CELSR3: variants seen among roughly 807,000 people sequenced by gnomAD.
CELSR3 encodes EGF-like protein 1.
In CELSR3, 73 loss-of-function variants were observed where a neutral mutation model predicts 270.0. The ratio of observed to expected loss-of-function variants is 0.27; its 90% CI spans 0.22 to 0.33. CELSR3 has a LOEUF of 0.33. Among genes scored for constraint, CELSR3 ranks in the 10% least tolerant of loss-of-function variants. CELSR3 has a pLI of 1.00. For missense variants in CELSR3, 3,614 were observed against 4,533.8 expected (o/e 0.80, Z 5.83); for synonymous variants, 1,780 against 1,905.4 (o/e 0.93, Z 1.71).
In CELSR3 at chr3:48,652,553, C is replaced by T; in HGVS notation, c.5635G>A (p.Asp1879Asn). Residue 1879 changes from aspartate to asparagine, a missense_variant and splice_region_variant, in exon 11 of 35, where the codon GAC becomes AAC. Transcript: ENST00000164024. The surrounding 1 kb of genome is among the most constrained non-coding windows in gnomAD (Gnocchi z 4.3). The stretch of plus-strand genomic sequence containing the variant: ...AGCTCACTCCCCACCGCCATGGTGT[C>T]CTGGAGGAAGTGGGGCAGTCAGCAC... ...MVSLDFSLFQ[D>N]TMAVGSELQG... The T allele has an allele frequency of 6.2e-7, 1 of 1,605,576 alleles. No individual in the cohort carries two copies. Among genetic ancestry groups the T allele is most frequent in the Non-Finnish European group, 8.5e-7 (1 of 1,175,632 alleles).
At position 48,641,514 on chromosome 3, in the gene CELSR3, G is replaced by A; in HGVS notation, c.8835C>T (p.Gly2945=). The change falls in exon 33 of 35, where the codon GGC becomes GGT. Residue 2945 remains glycine, a synonymous_variant. Transcript: ENST00000164024. This position sits in a 1 kb window ranked among gnomAD's most constrained non-coding sequence, Gnocchi z 4.8. ...RLLTHPKDVD[G]NDLLSYWPAL... The stretch of plus-strand genomic sequence containing the variant: ...CTGGCCAGTAGGACAGGAGGTCATT[G>A]CCATCCACATCTGTGGAGCCAGGTC... 6 of 1,611,280 alleles carry A rather than the reference G, an allele frequency of 3.7e-6. No individual in the cohort carries two copies. The highest frequency in any genetic ancestry group is 5.1e-6 in the Non-Finnish European group (6 of 1,178,938).
rs1309247789 is a variant in CELSR3, at chr3:48,638,111, G to C, written c.*94C>G. ...GGCACCCACCACTGGGGAGCAGGAG[G>C]CTGCCTTGGGATCTGCCCCCACTCC... On this transcript the variant is annotated 3_prime_UTR_variant, in exon 35 of 35. Coordinates refer to ENST00000164024, the MANE Select transcript of CELSR3 (RefSeq NM_001407.3). 1.8e-6 allele frequency: 2 copies of C among 1,116,874 alleles called. No homozygotes were observed. Among genetic ancestry groups the C allele is most frequent in the Admixed American group, 3.5e-5 (2 of 57,858 alleles). The allele number at this position is 1,116,874 out of a possible 1,614,324, so 69.2% of individuals were successfully genotyped here.
In CELSR3 at chr3:48,660,426, A is replaced by G. The variant is rs146299792; in HGVS notation, c.2209T>C (p.Ser737Pro). ...EARDHGSPPL[S>P]ASASVTVTVL... ...GTCACGGTGACACTGGCTGAGGCAG[A>G]GAGTGGGGGTGAGCCATGGTCTCGA... Residue 737 changes from serine (S) to proline (P), a missense_variant, in exon 1 of 35, where the codon TCT (serine) becomes CCT (proline). Ser to Pro is a moderately conservative substitution (Grantham distance 74). Transcript: ENST00000164024. The surrounding 1 kb of genome is among the most constrained non-coding windows in gnomAD (Gnocchi z 5.5). 1.9e-6 allele frequency: 3 copies of G among 1,614,148 alleles called. No individual in the cohort carries two copies. The highest frequency in any genetic ancestry group is 2.5e-6 in the Non-Finnish European group (3 of 1,180,040).
In CELSR3 at chr3:48,639,666, A is replaced by G. The variant is rs762482941; in HGVS notation, c.9911+8T>C. 4.3e-6 allele frequency: 7 copies of G among 1,613,048 alleles called. No individual in the cohort carries two copies. Among genetic ancestry groups the G allele is most frequent in the East Asian group, 4.5e-5 (2 of 44,884 alleles). On this transcript the variant is annotated splice_region_variant and intron_variant, in intron 34 of 34. Coordinates refer to ENST00000164024, the MANE Select transcript of CELSR3 (RefSeq NM_001407.3). This position sits in a 1 kb window ranked among gnomAD's most constrained non-coding sequence, Gnocchi z 4.1. The stretch of plus-strand genomic sequence containing the variant: ...GAGGGTGCAAGCAGGTGGCTGGACC[A>G]TACTTACTCTGAGTCTGGCGACAGC...
Position 48,653,622 on chromosome 3 carries a change from G to A in CELSR3, c.5445C>T (p.Cys1815=), listed in dbSNP as rs1490618856. 3 of 1,613,754 alleles carry A rather than the reference G, an allele frequency of 1.9e-6. No homozygotes were observed. Among genetic ancestry groups the A allele is most frequent in the Non-Finnish European group, 2.5e-6 (3 of 1,179,804 alleles). The change falls in exon 9 of 35, where the codon TGC becomes TGT. Residue 1815 remains cysteine (C), a synonymous_variant. Transcript: ENST00000164024. The surrounding 1 kb of genome is among the most constrained non-coding windows in gnomAD (Gnocchi z 6.5). ...VQAGPHSTLL[C]QLDRGLLSVT... is the part of the protein sequence containing the mutation. ...GGGGTGAGCAGGGTGGACACACCTG[G>A]CAAAGGAGCGTGCTGTGTGGCCCAG...
Position 48,642,670 on chromosome 3 carries a change from C to T in CELSR3, c.8555+66G>A. On this transcript the variant is annotated intron_variant, in intron 30 of 34. Transcript: ENST00000164024. This position sits in a 1 kb window ranked among gnomAD's most constrained non-coding sequence, Gnocchi z 6.1. Reference sequence around the variant, plus strand: ...CCACCCGCCCTAGGACCTGGTCAGCCAAGCCCTGGTAAGGTGGGGCTGGAC... The same window carrying T: ...CCACCCGCCCTAGGACCTGGTCAGCTAAGCCCTGGTAAGGTGGGGCTGGAC... 6.4e-7 allele frequency: 1 copy of T among 1,560,284 alleles called. No homozygotes were observed. The highest frequency in any genetic ancestry group is 1.8e-5 in the Admixed American group (1 of 56,944).
chr3:48,659,502 G>A lies in CELSR3; in HGVS notation c.3133C>T (p.Pro1045Ser), dbSNP rs1333849743. The A allele has an allele frequency of 3.1e-6, 5 of 1,614,200 alleles. No individual in the cohort carries two copies. The highest frequency in any genetic ancestry group is 2.2e-5 in the South Asian group (2 of 91,084). The part of the protein sequence containing the change: ...LTAYAVDRGV[P>S]PLRTPVSIQV... Reference sequence around the variant, plus strand: ...ATACTGACTGGAGTCCGGAGTGGGGGCACACCTCTGTCCACTGCGTAGGCA... The same window carrying A: ...ATACTGACTGGAGTCCGGAGTGGGGACACACCTCTGTCCACTGCGTAGGCA... Residue 1045 changes from proline (P) to serine (S), a missense_variant, in exon 1 of 35, where the codon CCC becomes TCC. Pro to Ser is a moderately conservative substitution (Grantham distance 74). Around this residue, in one of 7 missense-constraint regions of CELSR3, gnomAD observed 1,331 missense variants for 1,933.7 expected, o/e 0.69. Transcript: ENST00000164024. This position sits in a 1 kb window ranked among gnomAD's most constrained non-coding sequence, Gnocchi z 8.1.
chr3:48,637,933 A>C lies in CELSR3; in HGVS notation c.*272T>G. 4 of 388,886 alleles carry C rather than the reference A, an allele frequency of 1.0e-5. No individual in the cohort carries two copies. Among genetic ancestry groups the C allele is most frequent in the East Asian group, 4.0e-5 (1 of 24,828 alleles). 24.1% of individuals were successfully genotyped at this position (388,886 alleles called of 1,614,324 possible). On this transcript the variant is annotated 3_prime_UTR_variant, in exon 35 of 35. Transcript: ENST00000164024. Reference sequence around the variant, plus strand: ...AGCCCAGCCTCAAACCCCCCAGGAGACAGAAAAGCTGAAAAATAACATAAG... The same window carrying C: ...AGCCCAGCCTCAAACCCCCCAGGAGCCAGAAAAGCTGAAAAATAACATAAG...
rs761278646 is a variant in CELSR3 at position 48,638,143 on chromosome 3, C to A, written c.*62G>T. On this transcript the variant is annotated 3_prime_UTR_variant, in exon 35 of 35. Transcript: ENST00000164024. ...TGGGATCTGCCCCCACTCCTGGAGT[C>A]TCTCCTGTTAGCCTAGATCCTCTGT... 5 of 1,489,884 alleles carry A rather than the reference C, an allele frequency of 3.4e-6. No homozygotes were observed. Among genetic ancestry groups the A allele is most frequent in the African/African-American group, 1.4e-5 (1 of 72,504 alleles). The allele number at this position is 1,489,884 out of a possible 1,614,324, so 92.3% of individuals were successfully genotyped here. A position where few individuals can be genotyped will look rare whatever the true frequency, so the allele number is the denominator to read the frequency against.
Position 48,644,616 on chromosome 3 carries a change from C to G in CELSR3, c.8085+100G>C. On this transcript the variant is annotated intron_variant, in intron 26 of 34. Transcript: ENST00000164024. This position sits in a 1 kb window ranked among gnomAD's most constrained non-coding sequence, Gnocchi z 4.8. Reference sequence around the variant, plus strand: ...AAAATGAAGGCCGAGCCCAGGAAGCCTGCAGAATGCCACCTGACCGCCCTC... The same window carrying G: ...AAAATGAAGGCCGAGCCCAGGAAGCGTGCAGAATGCCACCTGACCGCCCTC... 1.1e-6 allele frequency: 1 copy of G among 925,940 alleles called. No homozygotes were observed. The allele number at this position is 925,940 out of a possible 1,614,324, so 57.4% of individuals were successfully genotyped here.
Position 48,652,363 on chromosome 3 carries a change from C to T in CELSR3, c.5751+74G>A. 8.2e-7 allele frequency: 1 copy of T among 1,213,192 alleles called. No individual in the cohort carries two copies. The highest frequency in any genetic ancestry group is 1.2e-6 in the Non-Finnish European group (1 of 816,244). 75.2% of individuals were successfully genotyped at this position (1,213,192 alleles called of 1,614,324 possible). The stretch of plus-strand genomic sequence containing the variant: ...CAACCCCCACTTGAATACTGCCTTT[C>T]AGGTCCCAAGGAGCCCCTGACTTCT... On this transcript the variant is annotated intron_variant, in intron 11 of 34. Coordinates refer to ENST00000164024, the MANE Select transcript of CELSR3 (RefSeq NM_001407.3). The surrounding 1 kb of genome is among the most constrained non-coding windows in gnomAD (Gnocchi z 4.3).
rs996625537 is a variant in CELSR3, at chr3:48,652,247, G to C, written c.5751+190C>G. Among the ~76,000 whole-genome samples the C allele has an allele frequency of 6.6e-6, 1 of 152,118 alleles. No homozygotes were observed. The highest frequency in any genetic ancestry group is 1.5e-5 in the Non-Finnish European group (1 of 68,030). On this transcript the variant is annotated intron_variant, in intron 11 of 34. Coordinates refer to ENST00000164024, the MANE Select transcript of CELSR3 (RefSeq NM_001407.3). This position sits in a 1 kb window ranked among gnomAD's most constrained non-coding sequence, Gnocchi z 4.3. ...GCTGTTTCTGACACAGATTCCTAAA[G>C]GCCCTTGATAATCCAAGCTAGACTC...
chr3:48,657,442 C>T lies in CELSR3; in HGVS notation c.3749-94G>A. Reference sequence around the variant, plus strand: ...GCTGGGGCCAGCGATAGCCTAGGCCCCCAGAACCTCTAAGTCAGCAGGCTG... The same window carrying T: ...GCTGGGGCCAGCGATAGCCTAGGCCTCCAGAACCTCTAAGTCAGCAGGCTG... On this transcript the variant is annotated intron_variant, in intron 1 of 34. Coordinates refer to ENST00000164024, the MANE Select transcript of CELSR3 (RefSeq NM_001407.3). This position sits in a 1 kb window ranked among gnomAD's most constrained non-coding sequence, Gnocchi z 5.4. The T allele has an allele frequency of 4.5e-6, 6 of 1,332,816 alleles. No individual in the cohort carries two copies. The highest frequency in any genetic ancestry group is 6.0e-6 in the Non-Finnish European group (6 of 1,004,568). 82.6% of individuals were successfully genotyped at this position (1,332,816 alleles called of 1,614,324 possible). A position where few individuals can be genotyped will look rare whatever the true frequency, so the allele number is the denominator to read the frequency against.
chr3:48,648,550 CAG>C, intron 18 of CELSR3, 89 bp from the exon 19 acceptor site: 1 of 1,413,576 alleles, frequency 7.1e-7, no homozygotes, highest in African/African-American at 1.4e-5. Flanking sequence ...GACAGGTGCT[CAG>C]AGGGGCTCCA....
In CELSR3 at chr3:48,644,220, C is replaced by T. The variant is rs1575539289; in HGVS notation, c.8161G>A (p.Ala2721Thr). The T allele has an allele frequency of 1.9e-6, 3 of 1,612,796 alleles. No individual in the cohort carries two copies. Among genetic ancestry groups the T allele is most frequent in the Non-Finnish European group, 2.5e-6 (3 of 1,179,666 alleles). Residue 2721 changes from alanine (A) to threonine (T), a missense_variant, in exon 27 of 35, where the codon GCA becomes ACA. Physicochemically the swap from Ala to Thr is moderately conservative, Grantham distance 58 (BLOSUM62 0). This residue lies in a region of CELSR3 where 1,240 missense variants were observed against 1,351.7 expected (regional missense o/e 0.92). Coordinates refer to ENST00000164024, the MANE Select transcript of CELSR3 (RefSeq NM_001407.3). This position sits in a 1 kb window ranked among gnomAD's most constrained non-coding sequence, Gnocchi z 4.8. Reference sequence around the variant, plus strand: ...TCCTCCAGCCAGCCAACTCACAGTGCAGAGGTCTTCTTGGCCTCCCTCTGC... The same window carrying T: ...TCCTCCAGCCAGCCAACTCACAGTGTAGAGGTCTTCTTGGCCTCCCTCTGC... ...TGQREAKKTS[A>T]LTLRSSFLLL...
chr3:48,652,888 A>G lies in CELSR3; in HGVS notation c.5634+114T>C, dbSNP rs923142243. Reference sequence around the variant, plus strand: ...TATGGTGGGGAACTAGGGGTAGAACATCAGACTCAGTGCAGTGGAGGGAAC... The same window carrying G: ...TATGGTGGGGAACTAGGGGTAGAACGTCAGACTCAGTGCAGTGGAGGGAAC... On this transcript the variant is annotated intron_variant, in intron 10 of 34. Coordinates refer to ENST00000164024, the MANE Select transcript of CELSR3 (RefSeq NM_001407.3). The surrounding 1 kb of genome is among the most constrained non-coding windows in gnomAD (Gnocchi z 4.3). 5.5e-6 allele frequency: 5 copies of G among 907,210 alleles called. No homozygotes were observed. Among genetic ancestry groups the G allele is most frequent in the African/African-American group, 3.3e-5 (2 of 60,610 alleles). 56.2% of individuals were successfully genotyped at this position (907,210 alleles called of 1,614,324 possible).
In CELSR3 at chr3:48,654,259, G is replaced by A. The variant is rs2047161663; in HGVS notation, c.5152+30C>T. ...CTCCCTATGATGGGGACAGGGCCAT[G>A]GGCTAGGCTGGTGGAAGCTTCAGGC... On this transcript the variant is annotated intron_variant, in intron 7 of 34. Transcript: ENST00000164024. The surrounding 1 kb of genome is among the most constrained non-coding windows in gnomAD (Gnocchi z 5.4). The A allele has an allele frequency of 6.2e-7, 1 of 1,613,170 alleles. No homozygotes were observed. Among genetic ancestry groups the A allele is most frequent in the Non-Finnish European group, 8.5e-7 (1 of 1,179,848 alleles).
In CELSR3 at chr3:48,646,663, C is replaced by A. The variant is rs1283129058; in HGVS notation, c.7295+100G>T. 3.2e-6 allele frequency: 4 copies of A among 1,233,968 alleles called. No homozygotes were observed. In the African/African-American group the frequency reaches 6.1e-5, roughly 19 times the overall value. 76.4% of individuals were successfully genotyped at this position (1,233,968 alleles called of 1,614,324 possible). ...AAGGATGGGGCTCCCTGGAGCTGTG[C>A]TCCTCTCTGTGTGTTGTGAACCTAC... On this transcript the variant is annotated intron_variant, in intron 21 of 34. Transcript: ENST00000164024. The surrounding 1 kb of genome is among the most constrained non-coding windows in gnomAD (Gnocchi z 4.8).
At chr3:48,648,075 C>T (rs1237740355) in intron 19 of CELSR3, 79 bp from the exon 20 acceptor site, 6 of 1,544,492 alleles carry the variant, frequency 3.9e-6, no homozygotes, top group Non-Finnish European at 3.5e-6. Flanking sequence ...TTACTCGCAT[C>T]CCGCACCTGA....
Sources: allele counts gnomAD v4.1 joint callset (sites outside exome capture counted in the v4.1 genomes callset), GRCh38; gene constraint gnomAD v4.1.1; regional missense constraint gnomAD v4.1.1; non-coding constraint Gnocchi (gnomAD v3.1); transcripts MANE v1.5; gene names NCBI Gene and HGNC (gene_info 2026-07-23, HGNC 2026-07-21).